GRIN2A: variants seen among roughly 807,000 people sequenced by gnomAD.
GRIN2A encodes glutamate receptor ionotropic, NMDA 2A.
Under a neutral mutation model 113.4 loss-of-function variants are expected in GRIN2A, and 22 were observed. That is an observed-to-expected ratio of 0.19 (90% CI 0.14 to 0.28). GRIN2A has a LOEUF of 0.28. Among genes scored for constraint, GRIN2A ranks in the 10% least tolerant of loss-of-function variants. The pLI, the probability that GRIN2A is intolerant of heterozygous loss-of-function variation, is 1.00. For missense variants in GRIN2A, 1,502 were observed against 1,887.0 expected, an observed-to-expected ratio of 0.80 and a Z score of 3.78; for synonymous variants, 827 against 738.4, an observed-to-expected ratio of 1.12 and a Z score of -1.94.
chr16:9,857,847 C>T (rs141933920), intron 4 of GRIN2A, among the ~76,000 whole-genome samples: 16 of 152,224 alleles, frequency 1.1e-4, no homozygotes, highest in South Asian at 8.3e-4. Flanking sequence ...GAGCTTTTCT[C>T]GATACTAACT....
At chr16:9,963,218 A>T (rs1262220726) in intron 2 of GRIN2A, among the ~76,000 whole-genome samples, 1 of 151,878 alleles carries the variant, frequency 6.6e-6, no homozygotes, top group Non-Finnish European at 1.5e-5. Flanking sequence ...ATGTATACAT[A>T]TGTAACAAAC....
chr16:9,835,376 T>A (rs1163570930), intron 7 of GRIN2A, among the ~76,000 whole-genome samples: 1 of 152,172 alleles, frequency 6.6e-6, no homozygotes, highest in Non-Finnish European at 1.5e-5. Flanking sequence ...GGCCAAGTCA[T>A]AAGGCTCTAA....
chr16:10,094,325 CTT>C (rs2048242567), intron 2 of GRIN2A, among the ~76,000 whole-genome samples: 1 of 152,208 alleles, frequency 6.6e-6, no homozygotes, highest in Non-Finnish European at 1.5e-5. Context: ...TGCTGTGTGA[CTT>C]TGAGCTGGTC....
At chr16:10,144,282 G>C (rs1055458527) in intron 2 of GRIN2A, among the ~76,000 whole-genome samples, 29 of 152,136 alleles carry the variant, frequency 1.9e-4, no homozygotes, top group African/African-American at 6.3e-4. Flanking sequence ...AGTGTACAAG[G>C]GTTCCAATGT....
At chr16:10,030,549 G>C (rs929783239) in intron 2 of GRIN2A, among the ~76,000 whole-genome samples, 1 of 152,182 alleles carries the variant, frequency 6.6e-6, no homozygotes, top group East Asian at 1.9e-4. Context: ...ATCCTGGAAA[G>C]GTCTCACACA....
intron 3 of GRIN2A, among the ~76,000 whole-genome samples, chr16:9,894,391 T>C (rs2043761275): frequency 6.6e-6 from 1 of 152,222 alleles, no homozygotes; most frequent in Non-Finnish European, 1.5e-5. Context: ...TTCTCTGCAC[T>C]TGAGGGGACT....
intron 2 of GRIN2A, among the ~76,000 whole-genome samples, chr16:10,075,344 A>G (rs2065233661): frequency 1.3e-5 from 2 of 152,118 alleles, no homozygotes; most frequent in Non-Finnish European, 2.9e-5. Flanking sequence ...CCGTATCACA[A>G]AAAGATAAAT....
At chr16:9,961,083 T>C (rs899811129) in intron 2 of GRIN2A, among the ~76,000 whole-genome samples, 3 of 152,248 alleles carry the variant, frequency 2.0e-5, no homozygotes, top group African/African-American at 4.8e-5. Context: ...ATTCAATATA[T>C]GTATGACTTT....
chr16:9,942,909 A>G (rs992144616), intron 2 of GRIN2A, among the ~76,000 whole-genome samples: 23 of 152,202 alleles, frequency 1.5e-4, no homozygotes, highest in African/African-American at 5.5e-4. Flanking sequence ...GAGGGACAGA[A>G]GCAAGGGCCT....
intron 2 of GRIN2A, chr16:10,112,799 G>C (rs899095999): frequency 3.0e-5 from 20 of 669,794 alleles, no homozygotes; most frequent in Non-Finnish European, 5.3e-5. Context: ...ACTCAGGAGA[G>C]CTCAAATTTG....
chr16:10,031,835 C>T (rs1567246675), intron 2 of GRIN2A, among the ~76,000 whole-genome samples: 1 of 152,226 alleles, frequency 6.6e-6, no homozygotes, highest in Non-Finnish European at 1.5e-5. Flanking sequence ...TCTTACCCTC[C>T]AAGCACCAGG....
At chr16:9,878,646 G>A (rs779350943) in intron 4 of GRIN2A, among the ~76,000 whole-genome samples, 3 of 152,066 alleles carry the variant, frequency 2.0e-5, no homozygotes, top group Non-Finnish European at 4.4e-5. Context: ...TTTATCATTA[G>A]TATCCCTATC....
intron 11 of GRIN2A, among the ~76,000 whole-genome samples, chr16:9,778,085 C>A (rs1349216092): frequency 6.6e-6 from 1 of 152,018 alleles, no homozygotes; most frequent in African/African-American, 2.4e-5. Flanking sequence ...CAACAAAAAA[C>A]CCAACTACAA....
intron 8 of GRIN2A, among the ~76,000 whole-genome samples, chr16:9,832,617 C>T (rs780408581): frequency 6.6e-6 from 1 of 151,918 alleles, no homozygotes; most frequent in Non-Finnish European, 1.5e-5. Context: ...ACGTAGTACC[C>T]ATTTGATAAA....
chr16:9,892,084 A>G (rs1360566989), intron 3 of GRIN2A, among the ~76,000 whole-genome samples: 1 of 152,102 alleles, frequency 6.6e-6, no homozygotes, highest in Middle Eastern at 3.2e-3. Flanking sequence ...CAAAAAAATT[A>G]GCTGGGCATG....
chr16:9,957,775 G>C (rs972748820), intron 2 of GRIN2A, among the ~76,000 whole-genome samples: 2 of 152,154 alleles, frequency 1.3e-5, no homozygotes, highest in Non-Finnish European at 2.9e-5. Context: ...GAAGGGCTTG[G>C]TTTCTCGCAT....
intron 2 of GRIN2A, among the ~76,000 whole-genome samples, chr16:10,163,943 C>A (rs2049855941): frequency 6.6e-6 from 1 of 152,294 alleles, no homozygotes; most frequent in Middle Eastern, 3.4e-3. Context: ...TAGCCACAAA[C>A]CTTCTTGGAA....
intron 7 of GRIN2A, among the ~76,000 whole-genome samples, chr16:9,839,774 T>A (rs1246661665): frequency 3.9e-5 from 6 of 152,212 alleles, no homozygotes; most frequent in Non-Finnish European, 5.9e-5. Context: ...TATCTGAATA[T>A]GTGATCATAT....
chr16:10,070,024 G>A (rs73510628), intron 2 of GRIN2A, among the ~76,000 whole-genome samples: 5,689 of 152,216 alleles, frequency 0.037, 395 homozygotes, highest in African/African-American at 0.13. Context: ...GTTTCTCTAA[G>A]CTCAATGACA....
Sources: allele counts gnomAD v4.1 joint callset (sites outside exome capture counted in the v4.1 genomes callset), GRCh38; gene constraint gnomAD v4.1.1; transcripts MANE v1.5; gene names NCBI Gene and HGNC (gene_info 2026-07-23, HGNC 2026-07-21).